The following NSUN4 variants were observed in gnomAD, a reference collection of about 807,000 sequenced individuals.
NSUN4 encodes NOP2/Sun RNA methyltransferase 4.
Under a neutral mutation model 43.8 loss-of-function variants are expected in NSUN4, and 31 were observed. The ratio of observed to expected loss-of-function variants is 0.71; its 90% CI spans 0.53 to 0.96. The LOEUF (loss-of-function observed/expected upper bound fraction) is 0.96, where lower values mean the gene tolerates loss of function less well. Ranked by LOEUF, NSUN4 falls within the 40% of genes least tolerant of loss-of-function variation. The pLI, the probability that NSUN4 is intolerant of heterozygous loss-of-function variation, is 0.00. For missense variants in NSUN4, 439 were observed against 475.6 expected (o/e 0.92, Z 0.72); for synonymous variants, 167 against 184.1 (o/e 0.91, Z 0.75).
the NSUN4 span, among the ~76,000 whole-genome samples, chr1:46,373,767 C>T: frequency 1.3e-5 from 2 of 152,156 alleles, no homozygotes; most frequent in African/African-American, 2.4e-5. Context: ...ATCTCCTCTT[C>T]AAGGCCCCAC....
In NSUN4 at chr1:46,360,685, C is replaced by T; in HGVS notation, c.754-19C>T. 6.2e-7 allele frequency: 1 copy of T among 1,612,588 alleles called. No individual in the cohort carries two copies. Among genetic ancestry groups the T allele is most frequent in the African/African-American group, 1.3e-5 (1 of 74,976 alleles). ...CCTATAAGGATCTTTAATACTTTAC[C>T]CTTTAACACTCTGGGTAGGTGCTGG... On this transcript the variant is annotated intron_variant, in intron 4 of 5. Transcript: ENST00000474844.
chr1:46,380,706 G>A, the NSUN4 span, among the ~76,000 whole-genome samples: 2 of 152,232 alleles, frequency 1.3e-5, no homozygotes, highest in Admixed American at 1.3e-4. Context: ...TGAGGCACAA[G>A]AGGTTAAAGA....
intron 4 of NSUN4, among the ~76,000 whole-genome samples, chr1:46,356,744 T>C (rs1663407045): frequency 6.6e-6 from 1 of 151,678 alleles, no homozygotes; most frequent in South Asian, 2.1e-4. Context: ...CTCTACATAC[T>C]CTTGGTAACT....
At chr1:46,346,523 G>A (rs1388886645) in intron 2 of NSUN4, among the ~76,000 whole-genome samples, 1 of 134,326 alleles carries the variant, frequency 7.4e-6, no homozygotes, top group African/African-American at 2.9e-5. Context: ...CCGCACTCCA[G>A]CCTGGGCAAC....
chr1:46,359,082 A>AC (rs1242566449), intron 4 of NSUN4, among the ~76,000 whole-genome samples: 1 of 151,948 alleles, frequency 6.6e-6, no homozygotes, highest in African/African-American at 2.4e-5. Flanking sequence ...ATATGGCAAA[A>AC]CCCCGTCTGT....
At chr1:46,373,580 A>C in the NSUN4 span, among the ~76,000 whole-genome samples, 1 of 152,208 alleles carries the variant, frequency 6.6e-6, no homozygotes, top group Non-Finnish European at 1.5e-5. Context: ...GCATGAGCCA[A>C]TCTGGCTTTT....
intron 3 of NSUN4, among the ~76,000 whole-genome samples, chr1:46,348,708 T>C (rs1452078905): frequency 1.3e-4 from 3 of 22,918 alleles, no homozygotes; most frequent in Non-Finnish European, 2.4e-4. Context: ...AAACTCTGTC[T>C]CAAAAAAAAA....
At position 46,361,965 on chromosome 1, in the gene NSUN4, T is replaced by G. The variant is rs1338673008; in HGVS notation, c.*119T>G. 1 of 935,954 alleles carries G rather than the reference T, an allele frequency of 1.1e-6. No homozygotes were observed. Among genetic ancestry groups the G allele is most frequent in the East Asian group, 2.6e-5 (1 of 37,876 alleles). The allele number at this position is 935,954 out of a possible 1,614,324, so 58.0% of individuals were successfully genotyped here. A position where few individuals can be genotyped will look rare whatever the true frequency, so the allele number is the denominator to read the frequency against. ...CGGTCCTGTCTCCATCCTGTTCGTG[T>G]CTTTCTGCAGTTTTCGGCAATAAGA... On this transcript the variant is annotated 3_prime_UTR_variant, in exon 6 of 6. Transcript: ENST00000474844.
intron 4 of NSUN4, among the ~76,000 whole-genome samples, chr1:46,357,346 A>AT (rs1663455996): frequency 1.3e-5 from 2 of 152,058 alleles, no homozygotes; most frequent in Non-Finnish European, 2.9e-5. Flanking sequence ...TGTCCAGCTA[A>AT]TTTTTTTGGT....
At chr1:46,375,736 C>CAAAAAA in the NSUN4 span, among the ~76,000 whole-genome samples, 2 of 69,902 alleles carry the variant, frequency 2.9e-5, no homozygotes, top group African/African-American at 6.4e-5. Context: ...GACTCTGTCT[C>CAAAAAA]AAAAAAAAAA....
chr1:46,360,596 C>A, intron 4 of NSUN4, 108 bp from the exon 5 acceptor site: 1 of 1,132,424 alleles, frequency 8.8e-7, no homozygotes, highest in Non-Finnish European at 1.3e-6. Context: ...GAGGGATGGG[C>A]AGAGGGAATA....
At chr1:46,347,241 C>T (rs1240997148) in intron 3 of NSUN4, among the ~76,000 whole-genome samples, 166 bp downstream of exon 3, 4 of 152,166 alleles carry the variant, frequency 2.6e-5, no homozygotes, top group Non-Finnish European at 5.9e-5. Context: ...AGTTCCAGAC[C>T]AGCCTGGTCA....
intron 5 of NSUN4, 122 bp from the exon 6 acceptor site, chr1:46,361,448 G>T: frequency 1.2e-6 from 1 of 837,696 alleles, no homozygotes; most frequent in Non-Finnish European, 1.9e-6. Flanking sequence ...GACTTGAGAG[G>T]CAGTCTAACC....
chr1:46,376,913 ATGCC>A, the NSUN4 span, among the ~76,000 whole-genome samples: 5 of 151,956 alleles, frequency 3.3e-5, no homozygotes, highest in Non-Finnish European at 7.4e-5. Flanking sequence ...GCACACCACC[ATGCC>A]TGGCTAATTT....
the NSUN4 span, among the ~76,000 whole-genome samples, chr1:46,370,420 A>G: frequency 6.6e-6 from 1 of 152,212 alleles, no homozygotes; most frequent in South Asian, 2.1e-4. Context: ...AGGACTTCTC[A>G]CAAAGGAGTA....
At chr1:46,345,668 G>A (rs904397597) in intron 2 of NSUN4, among the ~76,000 whole-genome samples, 4 of 152,178 alleles carry the variant, frequency 2.6e-5, no homozygotes, top group Admixed American at 6.6e-5. Flanking sequence ...TGGTCTAGGG[G>A]CACAAACTTG....
the NSUN4 span, among the ~76,000 whole-genome samples, chr1:46,375,960 G>A: frequency 2.0e-5 from 3 of 151,142 alleles, no homozygotes; most frequent in Non-Finnish European, 2.9e-5. Flanking sequence ...TACAAAATTA[G>A]CCGGGGGTGG....
downstream of NSUN4, among the ~76,000 whole-genome samples, chr1:46,366,551 A>G (rs373725432): frequency 6.6e-5 from 10 of 151,994 alleles, no homozygotes; most frequent in African/African-American, 2.2e-4. Context: ...GGTCTCCCTA[A>G]AAAAAGAGAA....
intron 4 of NSUN4, among the ~76,000 whole-genome samples, chr1:46,355,330 G>A (rs1356314626): frequency 6.6e-6 from 1 of 152,174 alleles, no homozygotes; most frequent in Non-Finnish European, 1.5e-5. Context: ...GCCTCTTACT[G>A]CAATCTGTAG....
Sources: gnomAD v4.1 joint callset for allele counts (sites outside exome capture counted in the v4.1 genomes callset) on GRCh38, gnomAD v4.1.1 for gene constraint, MANE v1.5 for transcripts, NCBI Gene and HGNC (gene_info 2026-07-23, HGNC 2026-07-21) for gene names.